Variants in HINT3 observed in about 807,000 individuals in gnomAD.
HINT3 encodes adenosine 5'-monophosphoramidase HINT3.
A neutral mutation model predicts 19.1 loss-of-function variants in HINT3; 16 were observed. The observed-to-expected ratio is 0.84, with a 90% confidence interval of 0.57 to 1.27. The LOEUF (loss-of-function observed/expected upper bound fraction) is 1.27, where lower values mean the gene tolerates loss of function less well. HINT3 is among the 50% of genes most tolerant of loss of function. HINT3 has a pLI of 0.00. For synonymous variants in HINT3, 75 were observed against 84.8 expected (o/e 0.88, Z 0.63); for missense variants, 197 against 225.8 (o/e 0.87, Z 0.82).
chr6:125,973,556 G>A lies in HINT3; in HGVS notation c.389+1228G>A, dbSNP rs140561352. Among the ~76,000 whole-genome samples, 237 of 152,242 alleles carry A rather than the reference G, an allele frequency of 1.6e-3. 1 individual carries two copies. The highest frequency in any genetic ancestry group is 5.5e-3 in the African/African-American group (230 of 41,548). On this transcript the variant is annotated intron_variant, in intron 3 of 4. Transcript: ENST00000229633. Reference sequence around the variant, plus strand: ...ACTTGTGGTGTACTCTACGTACACTGTCTGTATTAGTTTAGACATGCCATT... The same window carrying A: ...ACTTGTGGTGTACTCTACGTACACTATCTGTATTAGTTTAGACATGCCATT...
chr6:125,964,880 G>T (rs1788994537), intron 1 of HINT3, among the ~76,000 whole-genome samples: 1 of 152,078 alleles, frequency 6.6e-6, no homozygotes, highest in Non-Finnish European at 1.5e-5. Flanking sequence ...ATGGGACAAA[G>T]GGTGACATCA....
chr6:125,959,467 A>G (rs1788887331), intron 1 of HINT3, among the ~76,000 whole-genome samples: 1 of 152,236 alleles, frequency 6.6e-6, no homozygotes, highest in African/African-American at 2.4e-5. Context: ...TCTGGGTTAG[A>G]TGACCCTTGT....
chr6:125,958,011 A>AG (rs1267875030), intron 1 of HINT3, among the ~76,000 whole-genome samples: 18 of 152,236 alleles, frequency 1.2e-4, no homozygotes, highest in African/African-American at 4.1e-4. Context: ...GGCGGAATGT[A>AG]TACAGAGGAG....
At chr6:125,974,406 C>G (rs1444615873) in intron 3 of HINT3, among the ~76,000 whole-genome samples, 1 of 152,084 alleles carries the variant, frequency 6.6e-6, no homozygotes, top group South Asian at 2.1e-4. Flanking sequence ...TGGGAAATGT[C>G]TGAGTACTTT....
chr6:125,974,934 C>A lies in HINT3; in HGVS notation c.477C>A (p.Ser159=), dbSNP rs148947145. The A allele has an allele frequency of 2.5e-6, 4 of 1,613,952 alleles. No homozygotes were observed. Among genetic ancestry groups the A allele is most frequent in the Non-Finnish European group, 3.4e-6 (4 of 1,179,892 alleles). Reference sequence around the variant, plus strand: ...CAGTGGATCAGCTTGGCTTCTTATCCAAGTTGGTTTATAGAGTCAATTCCT... The same window carrying A: ...CAGTGGATCAGCTTGGCTTCTTATCAAAGTTGGTTTATAGAGTCAATTCCT... ...LAPVDQLGFL[S]KLVYRVNSYW... The change falls in exon 4 of 5, where the codon TCC becomes TCA. Residue 159 remains serine, a synonymous_variant. Transcript: ENST00000229633.
intron 1 of HINT3, among the ~76,000 whole-genome samples, chr6:125,965,039 A>G (rs948354919): frequency 2.0e-5 from 3 of 152,114 alleles, no homozygotes; most frequent in African/African-American, 7.2e-5. Context: ...TTTTATTAGG[A>G]TTGGGATTGT....
rs543826808 is a variant in HINT3, at chr6:125,979,899, G to A, written c.*2223G>A. 56 of 152,348 alleles carry A rather than the reference G, an allele frequency of 3.7e-4. No individual in the cohort carries two copies. Among genetic ancestry groups the A allele is most frequent in the African/African-American group, 1.2e-3 (51 of 41,516 alleles). The allele number at this position is 152,348 out of a possible 1,614,324, so 9.4% of individuals were successfully genotyped here. ...AACCTATTTGTTTCCGAGATCAGAC[G>A]AGATCGGGCGCGTTCAGGGTGGTAT... is the stretch of plus-strand genomic sequence containing the variant. On this transcript the variant is annotated 3_prime_UTR_variant, in exon 5 of 5. Coordinates refer to ENST00000229633, the MANE Select transcript of HINT3 (RefSeq NM_138571.5).
intron 1 of HINT3, among the ~76,000 whole-genome samples, chr6:125,957,968 G>A (rs1389785421): frequency 6.6e-6 from 1 of 152,068 alleles, no homozygotes; most frequent in African/African-American, 2.4e-5. Flanking sequence ...GCAAGATAAG[G>A]GACAGTCTGT....
In HINT3 at chr6:125,979,353, G is replaced by C. The variant is rs565926055; in HGVS notation, c.*1677G>C. ...AACAGTTACAAGTTTCCATAAATCAGTTAGAATATGACTAGCTTCAGGGAA... is the reference window on the plus strand; with the variant it reads ...AACAGTTACAAGTTTCCATAAATCACTTAGAATATGACTAGCTTCAGGGAA... On this transcript the variant is annotated 3_prime_UTR_variant, in exon 5 of 5. Coordinates refer to ENST00000229633, the MANE Select transcript of HINT3 (RefSeq NM_138571.5). 1 of 152,308 alleles carries C rather than the reference G, an allele frequency of 6.6e-6. No homozygotes were observed. Among genetic ancestry groups the C allele is most frequent in the Non-Finnish European group, 1.5e-5 (1 of 68,022 alleles). 9.4% of individuals were successfully genotyped at this position (152,308 alleles called of 1,614,324 possible).
At chr6:125,971,156 T>G (rs1260680146) in intron 2 of HINT3, among the ~76,000 whole-genome samples, 1 of 152,206 alleles carries the variant, frequency 6.6e-6, no homozygotes, top group Admixed American at 6.5e-5. Context: ...TATTCCCACC[T>G]GAAGGCCATA....
intron 1 of HINT3, among the ~76,000 whole-genome samples, chr6:125,960,824 G>A (rs1193933479): frequency 6.6e-6 from 1 of 152,200 alleles, no homozygotes; most frequent in Non-Finnish European, 1.5e-5. Flanking sequence ...CATAGAGTCA[G>A]AAGGGACCTA....
intron 1 of HINT3, among the ~76,000 whole-genome samples, chr6:125,960,665 GAAAAAA>G (rs71551729): frequency 0.36 from 37,166 of 104,512 alleles, 10,661 homozygotes; most frequent in East Asian, 0.85. Context: ...TGGGGGGGGG[GAAAAAA>G]AAAGAAGTTA....
chr6:125,975,949 T>C (rs1386303050), intron 4 of HINT3, among the ~76,000 whole-genome samples: 1 of 152,200 alleles, frequency 6.6e-6, no homozygotes, highest in East Asian at 1.9e-4. Flanking sequence ...CAGCTGTTTA[T>C]ACACCTGTGG....
chr6:125,967,275 C>T (rs927302758), intron 2 of HINT3, among the ~76,000 whole-genome samples: 3 of 150,682 alleles, frequency 2.0e-5, no homozygotes, highest in East Asian at 1.9e-4. Context: ...ATAAACCAGA[C>T]ATCATGCTAT....
intron 1 of HINT3, among the ~76,000 whole-genome samples, chr6:125,962,517 TCATA>T (rs1788960047): frequency 6.6e-6 from 1 of 151,972 alleles, no homozygotes; most frequent in Non-Finnish European, 1.5e-5. Context: ...ATGGTTTACA[TCATA>T]CATTCATATA....
intron 2 of HINT3, among the ~76,000 whole-genome samples, chr6:125,969,019 A>G (rs1329256318): frequency 6.6e-6 from 1 of 152,092 alleles, no homozygotes; most frequent in Non-Finnish European, 1.5e-5. Flanking sequence ...ATTTGGTCCT[A>G]CTTGTCAATT....
Position 125,964,759 on chromosome 6 carries a change from C to G in HINT3, c.202-2128C>G, listed in dbSNP as rs1000305483. On this transcript the variant is annotated intron_variant, in intron 1 of 4. Transcript: ENST00000229633. ...TTATACACACACACACACACACACA[C>G]ACACACACACACACACAATCATTTC... Among the ~76,000 whole-genome samples the G allele has an allele frequency of 3.3e-5, 5 of 151,846 alleles. No individual in the cohort carries two copies. The East Asian group carries it at 7.7e-4, about 24-fold the overall frequency.
rs576302987 is a variant in HINT3, at chr6:125,972,433, A to C, written c.389+105A>C. 8.1e-5 allele frequency: 53 copies of C among 655,890 alleles called. No homozygotes were observed. The African/African-American group carries it at 9.7e-4, about 12-fold the overall frequency. The allele number at this position is 655,890 out of a possible 1,614,324, so 40.6% of individuals were successfully genotyped here. A position where few individuals can be genotyped will look rare whatever the true frequency, so the allele number is the denominator to read the frequency against. ...AACAGAGGTGGCAGTTTGTGGTTTAAATGTAGTTTTCCTGAAAGTGAGAAT... is the reference window on the plus strand; with the variant it reads ...AACAGAGGTGGCAGTTTGTGGTTTACATGTAGTTTTCCTGAAAGTGAGAAT... On this transcript the variant is annotated intron_variant, in intron 3 of 4. Transcript: ENST00000229633.
intron 1 of HINT3, among the ~76,000 whole-genome samples, chr6:125,960,297 G>A (rs919559871): frequency 1.3e-5 from 2 of 152,198 alleles, no homozygotes; most frequent in African/African-American, 4.8e-5. Context: ...CACAAGGTAG[G>A]CAGTTGTATT....
Sources: gnomAD v4.1 joint callset for allele counts (sites outside exome capture counted in the v4.1 genomes callset) on GRCh38, gnomAD v4.1.1 for gene constraint, MANE v1.5 for transcripts, NCBI Gene and HGNC (gene_info 2026-07-23, HGNC 2026-07-21) for gene names.